RBFOX1: variants seen among roughly 807,000 people sequenced by gnomAD.
RBFOX1 encodes the protein RNA binding fox-1 homolog 1.
RBFOX1 carries 8 observed loss-of-function variants against 57.7 expected under a neutral mutation model. The observed-to-expected ratio is 0.14, with a 90% confidence interval of 0.08 to 0.25. The LOEUF (loss-of-function observed/expected upper bound fraction) is 0.25, where lower values mean the gene tolerates loss of function less well. Ranked by LOEUF, RBFOX1 falls within the 10% of genes least tolerant of loss-of-function variation. RBFOX1 has a pLI of 1.00. For missense variants in RBFOX1, 611 were observed against 548.5 expected, an observed-to-expected ratio of 1.11 and a Z score of -1.14; for synonymous variants, 326 against 222.4, an observed-to-expected ratio of 1.47 and a Z score of -4.15.
intron 2 of RBFOX1, among the ~76,000 whole-genome samples, chr16:5,507,209 A>T (rs919572210): frequency 6.6e-6 from 1 of 152,180 alleles, no homozygotes; most frequent in Non-Finnish European, 1.5e-5. Flanking sequence ...CGAATAAGCA[A>T]CACCAACCAC....
intron 3 of RBFOX1, among the ~76,000 whole-genome samples, chr16:6,779,640 C>T (rs2080008900): frequency 7.0e-6 from 1 of 143,842 alleles, no homozygotes; most frequent in Non-Finnish European, 1.5e-5. Flanking sequence ...CAATAGTATA[C>T]AAGGGTTCCC....
In RBFOX1 at chr16:7,284,464, G is replaced by A. The variant is rs2095609565; in HGVS notation, c.27+232366G>A. ...TCCCACCTCAGCCTCCTGAGTAGCT[G>A]GGACCACAGGCACTCACCACCACGC... is the stretch of plus-strand genomic sequence containing the variant. On this transcript the variant is annotated intron_variant, in intron 4 of 15. Transcript: ENST00000550418. 1.3e-5 allele frequency among the ~76,000 whole-genome samples: 2 copies of A among 151,838 alleles called. 1 individual carries two copies. The highest frequency in any genetic ancestry group is 4.2e-4 in the South Asian group (2 of 4,796).
chr16:7,661,476 A>T (rs75220761), intron 12 of RBFOX1, among the ~76,000 whole-genome samples: 4,257 of 152,218 alleles, frequency 0.028, 89 homozygotes, highest in African/African-American at 0.054. Flanking sequence ...CTACCGAGCC[A>T]AGGCTTTGAG....
chr16:6,084,791 C>G (rs1272275951), intron 1 of RBFOX1, among the ~76,000 whole-genome samples: 1 of 152,024 alleles, frequency 6.6e-6, no homozygotes, highest in African/African-American at 2.4e-5. Context: ...TTTTGCAGGA[C>G]AAACGTCTTA....
intron 4 of RBFOX1, among the ~76,000 whole-genome samples, chr16:7,236,374 G>T (rs2093766149): frequency 6.6e-6 from 1 of 152,118 alleles, no homozygotes. Context: ...TTCCTATTTT[G>T]TCTAGAGGGG....
chr16:7,663,504 C>CGTGTGTGT (rs57358282), intron 12 of RBFOX1, among the ~76,000 whole-genome samples: 2,561 of 148,934 alleles, frequency 0.017, 37 homozygotes, highest in East Asian at 0.035. Flanking sequence ...GTCAGTACAG[C>CGTGTGTGT]GTGTGTGTGT....
At chr16:7,195,935 AT>A in intron 4 of RBFOX1, among the ~76,000 whole-genome samples, 1 of 151,684 alleles carries the variant, frequency 6.6e-6, no homozygotes, top group African/African-American at 2.4e-5. Context: ...ACGTGATATG[AT>A]TTTTTCTTTC....
chr16:6,580,176 C>G (rs961956750), intron 2 of RBFOX1, among the ~76,000 whole-genome samples: 2 of 152,146 alleles, frequency 1.3e-5, no homozygotes, highest in African/African-American at 4.8e-5. Flanking sequence ...CCAGGCTGGT[C>G]TCGAACTCCT....
chr16:6,707,818 T>C (rs1295180878), intron 3 of RBFOX1, among the ~76,000 whole-genome samples: 1 of 152,140 alleles, frequency 6.6e-6, no homozygotes, highest in Non-Finnish European at 1.5e-5. Context: ...TCAATTTGCA[T>C]CCGCCTTCTC....
intron 3 of RBFOX1, among the ~76,000 whole-genome samples, chr16:6,742,767 A>G (rs1040205557): frequency 6.6e-6 from 1 of 152,226 alleles, no homozygotes. Context: ...TGTCATTTAT[A>G]TAACACTTTG....
intron 1 of RBFOX1, among the ~76,000 whole-genome samples, chr16:6,210,297 A>C (rs2097284757): frequency 6.8e-6 from 1 of 148,094 alleles, no homozygotes; most frequent in Admixed American, 6.8e-5. Context: ...GGCCTGGGTG[A>C]CAAGAGTGCA....
chr16:5,880,388 A>T (rs992518938), intron 4 of RBFOX1, among the ~76,000 whole-genome samples: 14 of 152,310 alleles, frequency 9.2e-5, no homozygotes, highest in Non-Finnish European at 1.6e-4. Flanking sequence ...AACACCCATG[A>T]AGACCCAGAG....
chr16:5,732,595 C>G (rs1037032017), intron 3 of RBFOX1, among the ~76,000 whole-genome samples: 1 of 152,216 alleles, frequency 6.6e-6, no homozygotes, highest in Non-Finnish European at 1.5e-5. Context: ...TTAGGCCTTT[C>G]TGGGTCTCCG....
chr16:5,368,504 A>G lies in RBFOX1; in HGVS notation c.220-98712A>G, dbSNP rs372636626. On this transcript the variant is annotated intron_variant, in intron 1 of 2. Transcript: ENST00000585867. ...GAGAAAATAACATCTATTTAGAGGA[A>G]CTTGAGATGAAAGTATGTTTCTTTC... is the stretch of plus-strand genomic sequence containing the variant. Among the ~76,000 whole-genome samples the G allele has an allele frequency of 3.4e-4, 52 of 152,348 alleles. 1 individual carries two copies. The South Asian group carries it at 8.3e-3, about 24-fold the overall frequency.
chr16:7,464,021 G>A (rs1232466198), intron 4 of RBFOX1, among the ~76,000 whole-genome samples: 2 of 152,208 alleles, frequency 1.3e-5, no homozygotes, highest in Admixed American at 6.5e-5. Context: ...CAGGAGGTCT[G>A]ACTCCAAAGC....
intron 11 of RBFOX1, among the ~76,000 whole-genome samples, chr16:7,638,046 T>G (rs1374978219): frequency 1.3e-5 from 2 of 152,210 alleles, no homozygotes; most frequent in Non-Finnish European, 2.9e-5. Flanking sequence ...ATTTGGGTGT[T>G]AAAAGATTGC....
chr16:7,153,798 A>G (rs539119203), intron 4 of RBFOX1, among the ~76,000 whole-genome samples: 1 of 151,904 alleles, frequency 6.6e-6, no homozygotes, highest in Non-Finnish European at 1.5e-5. Flanking sequence ...GTTTTCAGTT[A>G]TCATGAGGGG....
At chr16:6,708,101 T>C (rs1373540148) in intron 3 of RBFOX1, among the ~76,000 whole-genome samples, 2 of 152,190 alleles carry the variant, frequency 1.3e-5, no homozygotes, top group East Asian at 1.9e-4. Flanking sequence ...CAGTGAACAG[T>C]TGGCATCTTT....
intron 4 of RBFOX1, among the ~76,000 whole-genome samples, chr16:7,415,447 C>A (rs762744486): frequency 1.8e-4 from 27 of 152,110 alleles, no homozygotes; most frequent in Non-Finnish European, 3.4e-4. Flanking sequence ...TACTGAATTT[C>A]CCAGCAATGA....
Sources: gnomAD v4.1 joint callset for allele counts (sites outside exome capture counted in the v4.1 genomes callset) on GRCh38, gnomAD v4.1.1 for gene constraint, MANE v1.5 for transcripts, NCBI Gene and HGNC (gene_info 2026-07-23, HGNC 2026-07-21) for gene names.